Variants in GALNT8 observed in about 807,000 individuals in gnomAD.
The protein encoded by GALNT8 is polypeptide N-acetylgalactosaminyltransferase 8.
GALNT8 carries 66 observed loss-of-function variants against 62.7 expected under a neutral mutation model. That is an observed-to-expected ratio of 1.05 (90% CI 0.86 to 1.29). The LOEUF (loss-of-function observed/expected upper bound fraction) is 1.29, where lower values mean the gene tolerates loss of function less well. GALNT8 is among the 50% of genes most tolerant of loss of function. The probability of loss-of-function intolerance (pLI) is 0.00; values close to 1 mark genes in which losing one functional copy is unlikely to be tolerated. For synonymous variants in GALNT8, 288 were observed against 294.3 expected (o/e 0.98, Z 0.22); for missense variants, 771 against 791.8 (o/e 0.97, Z 0.32).
chr12:4,724,724 T>A (rs944562573), intron 1 of GALNT8, among the ~76,000 whole-genome samples: 1 of 152,210 alleles, frequency 6.6e-6, no homozygotes, highest in Non-Finnish European at 1.5e-5. Context: ...TTGCCCAAGT[T>A]TTTTCGACTA....
intron 10 of GALNT8, chr12:4,768,380 A>C: frequency 2.7e-6 from 1 of 366,998 alleles, no homozygotes; most frequent in South Asian, 2.2e-5. Context: ...ATATTTTTAG[A>C]TAAAATTTTA....
intron 3 of GALNT8, among the ~76,000 whole-genome samples, chr12:4,740,254 C>G (rs376516435): frequency 1.3e-5 from 2 of 152,072 alleles, no homozygotes; most frequent in East Asian, 3.9e-4. Context: ...CCCGGCTTCT[C>G]CTTTGTAAGT....
At chr12:4,751,673 A>G (rs780566403) in intron 6 of GALNT8, among the ~76,000 whole-genome samples, 7 of 152,140 alleles carry the variant, frequency 4.6e-5, no homozygotes, top group Non-Finnish European at 7.4e-5. Context: ...TTGTGACCTA[A>G]CATATGGTCT....
At chr12:4,745,384 T>A (rs762653616) in intron 4 of GALNT8, 45 bp from the exon 5 acceptor site, 1 of 1,251,114 alleles carries the variant, frequency 8.0e-7, no homozygotes, top group South Asian at 1.2e-5. Flanking sequence ...CCCCTACTGC[T>A]TGTCCTCATA....
chr12:4,727,907 ATAAT>A (rs769310949), intron 2 of GALNT8, among the ~76,000 whole-genome samples: 70 of 152,146 alleles, frequency 4.6e-4, no homozygotes, highest in Non-Finnish European at 7.6e-4. Flanking sequence ...GGGCCATATG[ATAAT>A]TCTGTATTTA....
Position 4,726,707 on chromosome 12 carries a change from C to T in GALNT8, c.387C>T (p.Gly129=), listed in dbSNP as rs143654718. The T allele has an allele frequency of 1.7e-5, 28 of 1,613,834 alleles. No individual in the cohort carries two copies. The highest frequency in any genetic ancestry group is 8.0e-5 in the African/African-American group (6 of 74,872). Residue 129 remains glycine, a synonymous_variant, in exon 2 of 11, where the codon GGC becomes GGT. Transcript: ENST00000252318. This position sits in a 1 kb window ranked among gnomAD's most constrained non-coding sequence, Gnocchi z 4.1. ...ACTCACAGCTTTTCAGGCAATGGGG[C>T]GAGGATCTTTCTGAGGCCCAGCAGA... ...FPHSQLFRQW[G]EDLSEAQQKA... is the part of the protein sequence containing the mutation.
Position 4,763,812 on chromosome 12 carries a change from C to T in GALNT8, c.1498-140C>T, listed in dbSNP as rs112708621. On this transcript the variant is annotated intron_variant, in intron 8 of 10. Coordinates refer to ENST00000252318, the MANE Select transcript of GALNT8 (RefSeq NM_017417.2). ...TTCCCAGTGCTTAGAAAATGCCTGC[C>T]GGGATCCCAGCCCTCTGCTCCTTGT... 767 of 643,774 alleles carry T rather than the reference C, an allele frequency of 1.2e-3. 4 individuals carry two copies. The highest frequency in any genetic ancestry group is 0.011 in the African/African-American group (607 of 55,394). 39.9% of individuals were successfully genotyped at this position (643,774 alleles called of 1,614,324 possible). A position where few individuals can be genotyped will look rare whatever the true frequency, so the allele number is the denominator to read the frequency against.
chr12:4,723,990 A>G (rs1946182925), intron 1 of GALNT8, among the ~76,000 whole-genome samples: 1 of 151,004 alleles, frequency 6.6e-6, no homozygotes, highest in Non-Finnish European at 1.5e-5. Flanking sequence ...CTCTAGAAAA[A>G]TACAAAAAAT....
intron 6 of GALNT8, among the ~76,000 whole-genome samples, chr12:4,750,551 TTGG>T (rs1946318056): frequency 6.6e-6 from 1 of 152,188 alleles, no homozygotes; most frequent in Non-Finnish European, 1.5e-5. Flanking sequence ...ACGGTATTCC[TTGG>T]TGTGTATGTA....
intron 6 of GALNT8, among the ~76,000 whole-genome samples, chr12:4,753,079 G>A (rs1946329339): frequency 6.6e-6 from 1 of 152,158 alleles, no homozygotes; most frequent in African/African-American, 2.4e-5. Flanking sequence ...TCCTCTTGCT[G>A]CTTTTAGCAT....
chr12:4,726,372 A>G lies in GALNT8; in HGVS notation c.212-160A>G, dbSNP rs994689105. 2.0e-5 allele frequency among the ~76,000 whole-genome samples: 3 copies of G among 152,190 alleles called. No individual in the cohort carries two copies. Among genetic ancestry groups the G allele is most frequent in the Admixed American group, 6.5e-5 (1 of 15,272 alleles). On this transcript the variant is annotated intron_variant, in intron 1 of 10. Coordinates refer to ENST00000252318, the MANE Select transcript of GALNT8 (RefSeq NM_017417.2). This position sits in a 1 kb window ranked among gnomAD's most constrained non-coding sequence, Gnocchi z 4.1. ...TGCTGGGACAGCCTTGCATGGCTGG[A>G]TAAGTTCCCTGACATACTACATCCT...
In GALNT8 at chr12:4,744,688, T is replaced by C. The variant is rs772736194; in HGVS notation, c.848T>C (p.Val283Ala). The change falls in exon 4 of 11, where the codon GTC becomes GCC. Residue 283 changes from valine (V) to alanine (A), a missense_variant. By Grantham distance (64) the Val-to-Ala change is moderately conservative. Transcript: ENST00000252318. ...GCCATCTTGGATGCTCACATTGAAG[T>C]CAATGTTGGGTGGTAAGGCTCAAAG... ...VVAILDAHIEVNVGWAEPILA... is the reference protein window; with the variant it reads ...VVAILDAHIEANVGWAEPILA... 1.2e-6 allele frequency: 2 copies of C among 1,610,844 alleles called. No individual in the cohort carries two copies. The highest frequency in any genetic ancestry group is 1.7e-6 in the Non-Finnish European group (2 of 1,178,430).
Position 4,761,022 on chromosome 12 carries a change from A to G in GALNT8, c.1238A>G (p.His413Arg), listed in dbSNP as rs1354836774. The change falls in exon 7 of 11, where the codon CAC (histidine) becomes CGC (arginine). Residue 413 changes from histidine (H) to arginine (R), a missense_variant. Coordinates refer to ENST00000252318, the MANE Select transcript of GALNT8 (RefSeq NM_017417.2). ...TCCCGGATTGCCCACCTAGAGAGAC[A>G]CCACAAGCCCTACGCCTTGGATCTC... ...PCSRIAHLER[H>R]HKPYALDLTA... is the part of the protein sequence containing the mutation. 5 of 1,614,136 alleles carry G rather than the reference A, an allele frequency of 3.1e-6. No individual in the cohort carries two copies. Among genetic ancestry groups the G allele is most frequent in the South Asian group, 1.1e-5 (1 of 91,080 alleles).
intron 10 of GALNT8, among the ~76,000 whole-genome samples, chr12:4,771,276 G>T (rs1946423088): frequency 6.6e-6 from 1 of 152,224 alleles, no homozygotes; most frequent in Non-Finnish European, 1.5e-5. Context: ...GCACTCTGTG[G>T]TCTGGAAGCA....
Position 4,726,049 on chromosome 12 carries a change from A to C in GALNT8, c.212-483A>C, listed in dbSNP as rs1434217840. On this transcript the variant is annotated intron_variant, in intron 1 of 10. Coordinates refer to ENST00000252318, the MANE Select transcript of GALNT8 (RefSeq NM_017417.2). The surrounding 1 kb of genome is among the most constrained non-coding windows in gnomAD (Gnocchi z 4.1). ...GTGTTTCTTAAGTTTTACTGTAAAA[A>C]GAATTACTCCTTGGTTTTATTAAAA... 6.6e-6 allele frequency among the ~76,000 whole-genome samples: 1 copy of C among 152,162 alleles called. No individual in the cohort carries two copies. Among genetic ancestry groups the C allele is most frequent in the Admixed American group, 6.5e-5 (1 of 15,286 alleles).
chr12:4,763,428 T>G, intron 8 of GALNT8, 38 bp downstream of exon 8: 2 of 1,569,490 alleles, frequency 1.3e-6, no homozygotes, highest in Non-Finnish European at 1.8e-6. Context: ...TTTTAAATGT[T>G]TGACTGTGAA....
At chr12:4,758,643 A>AG (rs1483979718) in intron 6 of GALNT8, among the ~76,000 whole-genome samples, 35 of 68,220 alleles carry the variant, frequency 5.1e-4, no homozygotes, top group African/African-American at 1.6e-3. Context: ...TGTGTGAGAG[A>AG]GAGAGAGAGA....
At chr12:4,741,422 A>G (rs1033243690) in intron 3 of GALNT8, among the ~76,000 whole-genome samples, 2 of 152,178 alleles carry the variant, frequency 1.3e-5, no homozygotes, top group Non-Finnish European at 2.9e-5. Context: ...GAGCATGATT[A>G]GAAAGACCTC....
At chr12:4,759,522 A>T (rs1213881188) in intron 6 of GALNT8, among the ~76,000 whole-genome samples, 10 of 151,168 alleles carry the variant, frequency 6.6e-5, no homozygotes, top group Admixed American at 2.0e-4. Context: ...AACATAGGTC[A>T]GTCTGATTTC....
Sources: allele counts gnomAD v4.1 joint callset (sites outside exome capture counted in the v4.1 genomes callset), GRCh38; gene constraint gnomAD v4.1.1; non-coding constraint Gnocchi (gnomAD v3.1); transcripts MANE v1.5; gene names NCBI Gene and HGNC (gene_info 2026-07-23, HGNC 2026-07-21).